STPG2: variants seen among roughly 807,000 people sequenced by gnomAD.
STPG2 encodes sperm tail PG-rich repeat containing 2.
In STPG2, 56 loss-of-function variants were observed where a neutral mutation model predicts 54.2. The ratio of observed to expected loss-of-function variants is 1.03; its 90% CI spans 0.83 to 1.29. The LOEUF (loss-of-function observed/expected upper bound fraction) is 1.29, where lower values mean the gene tolerates loss of function less well. Among genes scored for constraint, STPG2 ranks in the 50% most tolerant of loss-of-function variants. The pLI is 0.00. For missense variants in STPG2, 596 were observed against 544.9 expected (o/e 1.09, Z -0.93); for synonymous variants, 200 against 181.8 (o/e 1.10, Z -0.81).
At chr4:98,128,664 G>A (rs1054070813) in intron 2 of STPG2, 72 bp from the exon 3 acceptor site, 8 of 1,215,744 alleles carry the variant, frequency 6.6e-6, no homozygotes, top group Non-Finnish European at 3.4e-6. Flanking sequence ...AATATTAAAA[G>A]TTACTAAAAG....
At chr4:97,881,594 C>G (rs1730377354) in intron 8 of STPG2, among the ~76,000 whole-genome samples, 1 of 152,020 alleles carries the variant, frequency 6.6e-6, no homozygotes, top group Non-Finnish European at 1.5e-5. Context: ...AATATTCTGC[C>G]TCATTTACCA....
intron 7 of STPG2, among the ~76,000 whole-genome samples, chr4:97,956,440 C>A (rs1733678018): frequency 6.6e-6 from 1 of 151,912 alleles, no homozygotes; most frequent in South Asian, 2.1e-4. Flanking sequence ...AGATGGCATC[C>A]CACTTGGAAG....
intron 3 of STPG2, among the ~76,000 whole-genome samples, chr4:98,126,513 T>A (rs982768657): frequency 6.6e-6 from 1 of 152,186 alleles, no homozygotes; most frequent in African/African-American, 2.4e-5. Context: ...CCTTGCCCCA[T>A]GCAGCTCCCA....
At chr4:97,770,629 C>T (rs1219122092) in intron 9 of STPG2, among the ~76,000 whole-genome samples, 1 of 152,088 alleles carries the variant, frequency 6.6e-6, no homozygotes, top group Non-Finnish European at 1.5e-5. Context: ...TTGCAGAAAT[C>T]CAGCTAAGAT....
chr4:98,039,548 TGGAAGAG>T (rs1736881180), intron 5 of STPG2, among the ~76,000 whole-genome samples: 1 of 150,058 alleles, frequency 6.7e-6, no homozygotes, highest in Non-Finnish European at 1.5e-5. Context: ...AAGTGGAGGG[TGGAAGAG>T]GGATGAGGGA....
intron 7 of STPG2, among the ~76,000 whole-genome samples, chr4:97,971,030 A>C (rs940081526): frequency 2.0e-5 from 3 of 152,166 alleles, no homozygotes; most frequent in Admixed American, 2.0e-4. Flanking sequence ...AGAAGACAGT[A>C]ATGCAGCCAA....
intron 6 of STPG2, among the ~76,000 whole-genome samples, chr4:97,979,237 C>T (rs1734589430): frequency 7.1e-6 from 1 of 140,940 alleles, no homozygotes; most frequent in Admixed American, 7.5e-5. Context: ...GCGGCAAACA[C>T]AGCCTATTTC....
chr4:98,073,301 A>G (rs555731172), intron 5 of STPG2, among the ~76,000 whole-genome samples: 1 of 152,338 alleles, frequency 6.6e-6, no homozygotes, highest in Admixed American at 6.5e-5. Context: ...GTTAGAATAT[A>G]GTATATATAC....
intron 10 of STPG2, among the ~76,000 whole-genome samples, chr4:97,608,807 C>A (rs1733657795): frequency 6.6e-6 from 1 of 152,018 alleles, no homozygotes; most frequent in Admixed American, 6.6e-5. Context: ...GGCATTCCTG[C>A]AGAAATGTAT....
At chr4:97,636,504 A>T (rs1457801724) in intron 10 of STPG2, among the ~76,000 whole-genome samples, 2 of 147,614 alleles carry the variant, frequency 1.4e-5, no homozygotes, top group African/African-American at 2.6e-5. Context: ...AGCAGAACTG[A>T]AGGAAATAGA....
At position 97,981,067 on chromosome 4, in the gene STPG2, A is replaced by C. The variant is rs1232532246; in HGVS notation, c.772+92T>G. ...AATGACACCAACCATAGGACAAAAA[A>C]GAAAACATACTCTCTGGTGTATCCA... On this transcript the variant is annotated intron_variant, in intron 6 of 10. Transcript: ENST00000295268. 5 of 1,383,456 alleles carry C rather than the reference A, an allele frequency of 3.6e-6. No individual in the cohort carries two copies. In the Admixed American group the frequency reaches 7.2e-5, roughly 20 times the overall value. 85.7% of individuals were successfully genotyped at this position (1,383,456 alleles called of 1,614,324 possible).
chr4:98,041,859 G>T (rs148329421), intron 5 of STPG2, among the ~76,000 whole-genome samples: 2 of 151,892 alleles, frequency 1.3e-5, no homozygotes, highest in African/African-American at 4.8e-5. Flanking sequence ...AAATGAGTTA[G>T]GGAGGATTTC....
At chr4:97,539,493 C>A (rs1168687033) in intron 4 of STPG2, among the ~76,000 whole-genome samples, 4 of 152,198 alleles carry the variant, frequency 2.6e-5, no homozygotes, top group African/African-American at 9.7e-5. Context: ...GAAGATCTAA[C>A]TATCGTAAAT....
chr4:97,465,879 T>C (rs1170920620), intron 4 of STPG2, among the ~76,000 whole-genome samples: 1 of 152,036 alleles, frequency 6.6e-6, no homozygotes, highest in Non-Finnish European at 1.5e-5. Context: ...AGACAGAGGG[T>C]GAACTGTAAT....
intron 10 of STPG2, among the ~76,000 whole-genome samples, chr4:97,690,935 A>G (rs1723343669): frequency 6.6e-6 from 1 of 152,178 alleles, no homozygotes; most frequent in South Asian, 2.1e-4. Context: ...CTCAGAAATG[A>G]CTAGGTCAAT....
Position 97,810,973 on chromosome 4 carries a change from G to A in STPG2, c.1204+29800C>T, listed in dbSNP as rs184923502. On this transcript the variant is annotated intron_variant, in intron 9 of 10. Transcript: ENST00000295268. ...TTTTCATCAGGAATTATGATGGTAA[G>A]GATCAGATTATATATTCTTTTGTTC... Among the ~76,000 whole-genome samples the A allele has an allele frequency of 3.6e-3, 543 of 152,220 alleles. 5 individuals carry two copies. Among genetic ancestry groups the A allele is most frequent in the African/African-American group, 0.012 (516 of 41,548 alleles).
At chr4:97,941,865 A>T (rs1248656895) in intron 8 of STPG2, among the ~76,000 whole-genome samples, 2 of 151,968 alleles carry the variant, frequency 1.3e-5, no homozygotes, top group Non-Finnish European at 2.9e-5. Flanking sequence ...AGATTTAAAA[A>T]CCAAGCTTTC....
intron 4 of STPG2, among the ~76,000 whole-genome samples, chr4:97,470,708 A>G (rs1325723696): frequency 1.3e-5 from 2 of 152,136 alleles, no homozygotes; most frequent in Non-Finnish European, 2.9e-5. Context: ...CTTTCTCTCA[A>G]TATATCTTAT....
chr4:97,800,157 C>G (rs1279751231), intron 9 of STPG2, among the ~76,000 whole-genome samples: 1 of 152,128 alleles, frequency 6.6e-6, no homozygotes, highest in Non-Finnish European at 1.5e-5. Context: ...GTACTTTGAT[C>G]GTCTGAAGCC....
Sources: allele counts gnomAD v4.1 joint callset (sites outside exome capture counted in the v4.1 genomes callset), GRCh38; gene constraint gnomAD v4.1.1; transcripts MANE v1.5; gene names NCBI Gene and HGNC (gene_info 2026-07-23, HGNC 2026-07-21).